The following CPA6 variants were observed in gnomAD, a reference collection of about 807,000 sequenced individuals.
The protein encoded by CPA6 is carboxypeptidase B.
Under a neutral mutation model 63.3 loss-of-function variants are expected in CPA6, and 58 were observed. That is an observed-to-expected ratio of 0.92 (90% CI 0.74 to 1.14). The LOEUF (loss-of-function observed/expected upper bound fraction) is 1.14, where lower values mean the gene tolerates loss of function less well. Among genes scored for constraint, CPA6 ranks in the 50% most tolerant of loss-of-function variants. The pLI is 0.00. For synonymous variants in CPA6, 185 were observed against 179.0 expected (o/e 1.03, Z -0.27); for missense variants, 565 against 526.6 (o/e 1.07, Z -0.71).
intron 1 of CPA6, among the ~76,000 whole-genome samples, chr8:67,640,751 G>A (rs1587661770): frequency 6.6e-6 from 1 of 151,560 alleles, no homozygotes; most frequent in East Asian, 1.9e-4. Flanking sequence ...CTTGTCCCCA[G>A]CTCCTGCCCA....
At chr8:67,743,915 G>T (rs2129004677) in intron 1 of CPA6, among the ~76,000 whole-genome samples, 1 of 152,224 alleles carries the variant, frequency 6.6e-6, no homozygotes, top group East Asian at 1.9e-4. Context: ...AAACAAATGA[G>T]AAAAATTATT....
intron 2 of CPA6, among the ~76,000 whole-genome samples, chr8:67,551,576 A>G (rs1812939618): frequency 6.6e-6 from 1 of 152,166 alleles, no homozygotes; most frequent in Non-Finnish European, 1.5e-5. Flanking sequence ...TGGCTGTTTG[A>G]TAGGAATCAT....
At chr8:67,493,427 C>T (rs924534260) in intron 6 of CPA6, among the ~76,000 whole-genome samples, 2 of 152,134 alleles carry the variant, frequency 1.3e-5, no homozygotes, top group Non-Finnish European at 2.9e-5. Flanking sequence ...GAGGACTTCT[C>T]CTACAACCAC....
chr8:67,506,901 G>A lies in CPA6; in HGVS notation c.535-13C>T, dbSNP rs1811941291. 1 of 1,585,118 alleles carries A rather than the reference G, an allele frequency of 6.3e-7. No homozygotes were observed. Among genetic ancestry groups the A allele is most frequent in the Non-Finnish European group, 8.7e-7 (1 of 1,153,700 alleles). ...ATCGTCTGCCCAGCTGAAAACAAGAGCATTCACAGTAACCAACTCAGGCTT... is the reference window on the plus strand; with the variant it reads ...ATCGTCTGCCCAGCTGAAAACAAGAACATTCACAGTAACCAACTCAGGCTT... On this transcript the variant is annotated splice_polypyrimidine_tract_variant and intron_variant, in intron 5 of 10. Transcript: ENST00000297770.
At chr8:67,720,192 T>G (rs920754890) in intron 1 of CPA6, among the ~76,000 whole-genome samples, 3 of 144,142 alleles carry the variant, frequency 2.1e-5, no homozygotes, top group African/African-American at 8.5e-5. Flanking sequence ...TGGGGGTGCT[T>G]TTTGAGCCAG....
rs530036446 is a variant in CPA6, at chr8:67,703,200, C to T, written c.116+42814G>A. Reference sequence around the variant, plus strand: ...AGTTTCTTTCTTGACTTTCACTTTCCTGCTTATTAACCAGTCCCCAGGACA... The same window carrying T: ...AGTTTCTTTCTTGACTTTCACTTTCTTGCTTATTAACCAGTCCCCAGGACA... On this transcript the variant is annotated intron_variant, in intron 1 of 10. Transcript: ENST00000297770. Among the ~76,000 whole-genome samples, 5 of 152,268 alleles carry T rather than the reference C, an allele frequency of 3.3e-5. No individual in the cohort carries two copies. The South Asian group carries it at 1.0e-3, about 32-fold the overall frequency.
intron 1 of CPA6, among the ~76,000 whole-genome samples, chr8:67,634,796 G>T (rs1021696916): frequency 5.3e-5 from 8 of 151,598 alleles, no homozygotes; most frequent in South Asian, 2.1e-4. Flanking sequence ...TGAGTTTATA[G>T]TCACAATCCC....
intron 1 of CPA6, among the ~76,000 whole-genome samples, chr8:67,687,020 C>T (rs1816722129): frequency 6.6e-6 from 1 of 152,198 alleles, no homozygotes; most frequent in Non-Finnish European, 1.5e-5. Context: ...AATCTCCCGG[C>T]CTTCTCAAAG....
intron 4 of CPA6, among the ~76,000 whole-genome samples, chr8:67,510,235 G>A (rs183774813): frequency 2.6e-5 from 4 of 152,134 alleles, no homozygotes; most frequent in Admixed American, 6.5e-5. Flanking sequence ...AATGAATAAG[G>A]TACTTCATTC....
intron 8 of CPA6, among the ~76,000 whole-genome samples, chr8:67,481,813 C>T (rs1165484434): frequency 6.6e-6 from 1 of 152,186 alleles, no homozygotes; most frequent in Non-Finnish European, 1.5e-5. Flanking sequence ...GGGGATGGAC[C>T]TGACCCTGGG....
chr8:67,592,515 C>G (rs1386805466), intron 2 of CPA6, among the ~76,000 whole-genome samples: 3 of 151,526 alleles, frequency 2.0e-5, no homozygotes, highest in African/African-American at 4.9e-5. Flanking sequence ...TCCATCTGGT[C>G]CTGGACTCTT....
At chr8:67,717,591 T>G (rs1312887292) in intron 1 of CPA6, among the ~76,000 whole-genome samples, 2 of 152,232 alleles carry the variant, frequency 1.3e-5, no homozygotes, top group African/African-American at 4.8e-5. Flanking sequence ...CTATGTGGTA[T>G]TTGATCTATA....
chr8:67,686,462 C>T (rs1816711632), intron 1 of CPA6, among the ~76,000 whole-genome samples: 1 of 152,086 alleles, frequency 6.6e-6, no homozygotes, highest in South Asian at 2.1e-4. Context: ...TACGCATAGC[C>T]AAAAAGGAAG....
intron 1 of CPA6, among the ~76,000 whole-genome samples, chr8:67,665,123 A>G (rs1045208771): frequency 6.6e-6 from 1 of 152,216 alleles, no homozygotes. Flanking sequence ...TAGACTATCA[A>G]TGCCTGTTTT....
In CPA6 at chr8:67,511,593, T is replaced by C. The variant is rs1812043338; in HGVS notation, c.380A>G (p.Asn127Ser). 1 of 1,612,634 alleles carries C rather than the reference T, an allele frequency of 6.2e-7. No individual in the cohort carries two copies. Among genetic ancestry groups the C allele is most frequent in the Non-Finnish European group, 8.5e-7 (1 of 1,178,744 alleles). The change falls in exon 4 of 11, where the codon AAC becomes AGC. Residue 127 changes from asparagine (N) to serine (S), a missense_variant. Transcript: ENST00000297770. ...ATTATATCCAGAGAGGGATCTTCGG[T>C]TTCTCTGGGTGTGCAAGCTGCTTCC... ...EKGSSLHTQR[N>S]RRSLSGYNYE...
intron 8 of CPA6, among the ~76,000 whole-genome samples, chr8:67,468,022 C>T (rs1380136781): frequency 6.6e-6 from 1 of 151,466 alleles, no homozygotes; most frequent in Non-Finnish European, 1.5e-5. Context: ...CATGCCACTG[C>T]ACTCCAGCCT....
chr8:67,423,139 C>T (rs969887788), intron 10 of CPA6, among the ~76,000 whole-genome samples: 1 of 152,094 alleles, frequency 6.6e-6, no homozygotes, highest in African/African-American at 2.4e-5. Context: ...GGCTGGAGTG[C>T]AGTGTCACAA....
intron 2 of CPA6, among the ~76,000 whole-genome samples, chr8:67,592,483 T>C (rs1307562786): frequency 6.6e-6 from 1 of 151,886 alleles, no homozygotes; most frequent in Non-Finnish European, 1.5e-5. Context: ...TCCTTGTACC[T>C]CTGGTAGAAT....
chr8:67,611,154 C>T (rs1169481322), intron 2 of CPA6, among the ~76,000 whole-genome samples: 1 of 151,706 alleles, frequency 6.6e-6, no homozygotes, highest in African/African-American at 2.4e-5. Flanking sequence ...GCAATGCCGG[C>T]TCACTGCAAC....
Sources: gnomAD v4.1 joint callset for allele counts (sites outside exome capture counted in the v4.1 genomes callset) on GRCh38, gnomAD v4.1.1 for gene constraint, MANE v1.5 for transcripts, NCBI Gene and HGNC (gene_info 2026-07-23, HGNC 2026-07-21) for gene names.